Variants in DMD observed in about 807,000 individuals in gnomAD.
The protein encoded by DMD is mutant dystrophin.
Under a neutral mutation model 330.1 loss-of-function variants are expected in DMD, and 63 were observed. The ratio of observed to expected loss-of-function variants is 0.19; its 90% CI spans 0.16 to 0.24. The LOEUF (loss-of-function observed/expected upper bound fraction) is 0.24, where lower values mean the gene tolerates loss of function less well. Ranked by LOEUF, DMD falls within the 10% of genes least tolerant of loss-of-function variation. DMD has a pLI of 1.00. For missense variants in DMD, 3,344 were observed against 2,684.1 expected, an observed-to-expected ratio of 1.25 and a Z score of -5.43; for synonymous variants, 1,223 against 959.8, an observed-to-expected ratio of 1.27 and a Z score of -5.07.
At chrX:32,935,171 G>C (rs1247508369) in intron 2 of DMD, among the ~76,000 whole-genome samples, 2 of 112,736 alleles carry the variant, frequency 1.8e-5, no homozygotes, top group Non-Finnish European at 3.8e-5. Flanking sequence ...GTAGAGACGG[G>C]GTTTCACCGT....
At chrX:31,967,560 G>C (rs2095363035) in intron 45 of DMD, among the ~76,000 whole-genome samples, 1 of 110,807 alleles carries the variant, frequency 9.0e-6, no homozygotes, top group Non-Finnish European at 1.9e-5. Context: ...CTATTATGTG[G>C]ATGATGGGTG....
intron 11 of DMD, among the ~76,000 whole-genome samples, chrX:32,633,675 T>A (rs1284406568): frequency 8.9e-6 from 1 of 111,986 alleles, no homozygotes; most frequent in Non-Finnish European, 1.9e-5. Context: ...CTTAATTGGC[T>A]CACAGTTCTA....
intron 5 of DMD, among the ~76,000 whole-genome samples, chrX:32,817,077 A>G (rs1336592536): frequency 6.2e-5 from 7 of 112,085 alleles, no homozygotes; most frequent in African/African-American, 1.9e-4. Flanking sequence ...TGCCTTTGCT[A>G]TTAATTGTGG....
intron 1 of DMD, among the ~76,000 whole-genome samples, chrX:33,308,137 T>C (rs1245149151): frequency 8.9e-6 from 1 of 112,319 alleles, no homozygotes; most frequent in Non-Finnish European, 1.9e-5. Context: ...AAGCTACTTA[T>C]GACATTGAAT....
intron 55 of DMD, among the ~76,000 whole-genome samples, chrX:31,622,846 T>TTATATATA (rs757102035): frequency 3.2e-4 from 24 of 74,174 alleles, no homozygotes; most frequent in African/African-American, 6.6e-4. Context: ...CAGAAAAATT[T>TTATATATA]TATATATATA....
In DMD at chrX:32,776,291, C is replaced by A. The variant is rs902291836; in HGVS notation, c.649+33202G>T. Among the ~76,000 whole-genome samples, 14 of 108,860 alleles carry A rather than the reference C, an allele frequency of 1.3e-4. 1 individual carries two copies. The highest frequency in any genetic ancestry group is 5.9e-4 in the East Asian group (2 of 3,382). The allele number at this position is 108,860 out of a possible 115,157, so 94.5% of individuals were successfully genotyped here. On this transcript the variant is annotated intron_variant, in intron 7 of 78. Transcript: ENST00000357033. ...TTTCTGTCTTCTTCTGACCCCCCCC[C>A]CAAATTGTTCCAACCTCTGCCAGTT...
intron 60 of DMD, among the ~76,000 whole-genome samples, chrX:31,365,094 CAAA>C (rs35244488): frequency 6.8e-5 from 3 of 44,138 alleles, no homozygotes; most frequent in Non-Finnish European, 4.0e-5. Flanking sequence ...GACCCCATCT[CAAA>C]AAAAAAAAAA....
intron 62 of DMD, among the ~76,000 whole-genome samples, chrX:31,316,863 C>T (rs1453563713): frequency 2.7e-5 from 3 of 111,796 alleles, no homozygotes; most frequent in African/African-American, 6.5e-5. Context: ...TTAATTACCC[C>T]GAATCATTCA....
chrX:31,748,245 T>G, intron 51 of DMD, among the ~76,000 whole-genome samples: 1 of 112,167 alleles, frequency 8.9e-6, no homozygotes, highest in East Asian at 2.8e-4. Context: ...GCTAATTCCA[T>G]GCTTTTGGTT....
chrX:32,746,490 C>T (rs749074200), intron 7 of DMD, among the ~76,000 whole-genome samples: 3 of 111,601 alleles, frequency 2.7e-5, no homozygotes, highest in African/African-American at 9.8e-5. Flanking sequence ...TTTAGAAATA[C>T]CGAATTTCAG....
intron 7 of DMD, among the ~76,000 whole-genome samples, chrX:32,717,264 G>T (rs779997973): frequency 9.0e-6 from 1 of 111,327 alleles, no homozygotes; most frequent in East Asian, 2.9e-4. Flanking sequence ...AAATGATTTC[G>T]GAGGCCAGGC....
intron 57 of DMD, among the ~76,000 whole-genome samples, chrX:31,489,123 TACTC>T (rs1022456817): frequency 1.8e-5 from 2 of 112,151 alleles, no homozygotes; most frequent in Non-Finnish European, 3.8e-5. Flanking sequence ...TTGCATGGTT[TACTC>T]ACTCACACAG....
At chrX:31,235,907 T>C (rs1441223069) in intron 63 of DMD, among the ~76,000 whole-genome samples, 2 of 112,462 alleles carry the variant, frequency 1.8e-5, no homozygotes, top group African/African-American at 6.5e-5. Flanking sequence ...GATAACTGTA[T>C]GTTGGCTCAC....
chrX:31,120,588 T>G lies in DMD; in HGVS notation c.*1331A>C, dbSNP rs2032240811. The stretch of plus-strand genomic sequence containing the variant: ...AACAAAAACCAAACCACCCAGTTCC[T>G]TTTGACTGTGAGAAGAGGGCATAAT... On this transcript the variant is annotated 3_prime_UTR_variant, in exon 79 of 79. Transcript: ENST00000357033. 8.9e-6 allele frequency: 1 copy of G among 112,174 alleles called. No homozygotes were observed. The highest frequency in any genetic ancestry group is 1.9e-5 in the Non-Finnish European group (1 of 53,231). 9.2% of individuals were successfully genotyped at this position (112,174 alleles called of 1,213,427 possible).
chrX:32,702,060 T>C (rs1278818853), intron 7 of DMD, among the ~76,000 whole-genome samples: 1 of 112,042 alleles, frequency 8.9e-6, no homozygotes, highest in African/African-American at 3.2e-5. Flanking sequence ...TATTTTGAAT[T>C]TCATCAACAT....
chrX:31,154,450 G>A (rs868047579), intron 74 of DMD, among the ~76,000 whole-genome samples: 7 of 105,510 alleles, frequency 6.6e-5, no homozygotes, highest in Admixed American at 2.1e-4. Context: ...CCGCCACCAC[G>A]CCCGGCTTTT....
chrX:32,739,434 A>G (rs766540469), intron 7 of DMD, among the ~76,000 whole-genome samples: 1 of 112,066 alleles, frequency 8.9e-6, no homozygotes, highest in Non-Finnish European at 1.9e-5. Context: ...GAAAAACACA[A>G]GTGTAAGATT....
At chrX:32,342,834 A>G (rs1258534871) in intron 40 of DMD, 1 of 384,131 alleles carries the variant, frequency 2.6e-6, no homozygotes, top group East Asian at 6.8e-5. Context: ...CCATATACCG[A>G]TAAGTCATTA....
chrX:32,962,708 G>C (rs1260291142), intron 2 of DMD, among the ~76,000 whole-genome samples: 1 of 111,739 alleles, frequency 8.9e-6, no homozygotes, highest in East Asian at 2.8e-4. Flanking sequence ...ACATTGTTGG[G>C]TACATGTTAC....
Sources: allele counts gnomAD v4.1 joint callset (sites outside exome capture counted in the v4.1 genomes callset), GRCh38; gene constraint gnomAD v4.1.1; transcripts MANE v1.5; gene names NCBI Gene and HGNC (gene_info 2026-07-23, HGNC 2026-07-21).